COL21A1: variants seen among roughly 807,000 people sequenced by gnomAD.
The protein encoded by COL21A1 is collagen type XXI alpha 1 chain.
COL21A1 carries 149 observed loss-of-function variants against 137.9 expected under a neutral mutation model. The ratio of observed to expected loss-of-function variants is 1.08; its 90% CI spans 0.95 to 1.24. The LOEUF (loss-of-function observed/expected upper bound fraction) is 1.24, where lower values mean the gene tolerates loss of function less well. COL21A1 is among the 50% of genes most tolerant of loss of function. The probability of loss-of-function intolerance (pLI) is 0.00; values close to 1 mark genes in which losing one functional copy is unlikely to be tolerated. For synonymous variants in COL21A1, 456 were observed against 391.5 expected (o/e 1.16, Z -1.95); for missense variants, 1,167 against 1,158.4 (o/e 1.01, Z -0.11).
chr6:56,113,729 C>T (rs1187861376), intron 16 of COL21A1, among the ~76,000 whole-genome samples: 1 of 152,092 alleles, frequency 6.6e-6, no homozygotes, highest in Non-Finnish European at 1.5e-5. Context: ...ACCAACACTG[C>T]CACGGGGAAG....
chr6:56,307,788 C>A (rs902830510), intron 1 of COL21A1, among the ~76,000 whole-genome samples: 4 of 152,158 alleles, frequency 2.6e-5, no homozygotes, highest in Admixed American at 1.3e-4. Flanking sequence ...GTTGGAAATG[C>A]AGAAATCACC....
rs578124641 is a variant in COL21A1 at position 56,091,812 on chromosome 6, G to A, written c.1812+9660C>T. On this transcript the variant is annotated intron_variant, in intron 17 of 29. Transcript: ENST00000244728. Reference sequence around the variant, plus strand: ...AGAATTGACCAAAGAAGACTAACTCGTCAACATGATAACTTGGTCTAACAT... The same window carrying A: ...AGAATTGACCAAAGAAGACTAACTCATCAACATGATAACTTGGTCTAACAT... Among the ~76,000 whole-genome samples, 14 of 152,224 alleles carry A rather than the reference G, an allele frequency of 9.2e-5. No individual in the cohort carries two copies. The South Asian group carries it at 1.4e-3, about 16-fold the overall frequency.
intron 1 of COL21A1, among the ~76,000 whole-genome samples, chr6:56,376,482 A>G (rs1006782407): frequency 5.3e-5 from 8 of 151,896 alleles, no homozygotes; most frequent in Non-Finnish European, 1.2e-4. Context: ...GAATATTTAT[A>G]TGCAGAGGGG....
At chr6:56,074,079 T>C (rs1226144261) in intron 20 of COL21A1, among the ~76,000 whole-genome samples, 153 bp downstream of exon 20, 1 of 151,438 alleles carries the variant, frequency 6.6e-6, no homozygotes, top group Non-Finnish European at 1.5e-5. Context: ...AGGCTGAGCC[T>C]TTCCAGATTT....
At chr6:56,062,836 AG>A (rs1343055775) in intron 24 of COL21A1, among the ~76,000 whole-genome samples, 2 of 152,186 alleles carry the variant, frequency 1.3e-5, no homozygotes, top group Non-Finnish European at 2.9e-5. Context: ...CCAACATAAG[AG>A]AGACAAAACA....
Position 56,334,435 on chromosome 6 carries a change from C to T in COL21A1, c.-39+59536G>A, listed in dbSNP as rs547110130. ...AGCTTAGTATACAAGGAAAACACAA[C>T]AATTTTGAGTTATAATTGGCATTAT... On this transcript the variant is annotated intron_variant, in intron 1 of 28. Coordinates refer to the COL21A1 transcript ENST00000370819. 5.2e-3 allele frequency among the ~76,000 whole-genome samples: 795 copies of T among 152,230 alleles called. 5 individuals carry two copies. Among genetic ancestry groups the T allele is most frequent in the African/African-American group, 0.017 (713 of 41,546 alleles).
intron 10 of COL21A1, among the ~76,000 whole-genome samples, chr6:56,151,475 T>C (rs1354129306): frequency 6.6e-6 from 1 of 152,166 alleles, no homozygotes; most frequent in Non-Finnish European, 1.5e-5. Flanking sequence ...AGCAATAATA[T>C]ATTCAGACAC....
chr6:56,135,904 T>G (rs1010309127), intron 12 of COL21A1, among the ~76,000 whole-genome samples: 3 of 152,204 alleles, frequency 2.0e-5, no homozygotes, highest in Non-Finnish European at 4.4e-5. Context: ...CTTTGTGTTA[T>G]GTCCTTTATC....
chr6:56,220,497 A>T (rs928490929), intron 1 of COL21A1, among the ~76,000 whole-genome samples: 2 of 152,164 alleles, frequency 1.3e-5, no homozygotes, highest in Non-Finnish European at 2.9e-5. Context: ...ACTGCTAAAG[A>T]CTTGTGAAAA....
In COL21A1 at chr6:56,179,849, C is replaced by G. The variant is rs776192714; in HGVS notation, c.369G>C (p.Ala123=). ...NTKTGKAIQF[A]LDYLFAKSSR... The stretch of plus-strand genomic sequence containing the variant: ...AGGACTTGGCAAAAAGGTAATCGAG[C>G]GCAAACTGGATGGCCTTCCCTGTCT... The change falls in exon 3 of 30, where the codon GCG becomes GCC. Residue 123 remains alanine, a synonymous_variant. Transcript: ENST00000244728. 6 of 1,613,904 alleles carry G rather than the reference C, an allele frequency of 3.7e-6. No homozygotes were observed. The highest frequency in any genetic ancestry group is 2.7e-5 in the African/African-American group (2 of 75,018).
At chr6:56,361,731 G>C (rs1265558375) in intron 1 of COL21A1, among the ~76,000 whole-genome samples, 1 of 152,106 alleles carries the variant, frequency 6.6e-6, no homozygotes, top group East Asian at 1.9e-4. Context: ...TTATCTCTGT[G>C]GGGTTATGAG....
In COL21A1 at chr6:56,069,746, T is replaced by C. The variant is rs538121306; in HGVS notation, c.2020-629A>G. Among the ~76,000 whole-genome samples the C allele has an allele frequency of 2.0e-5, 3 of 150,790 alleles. No individual in the cohort carries two copies. The South Asian group carries it at 6.2e-4, about 31-fold the overall frequency. The stretch of plus-strand genomic sequence containing the variant: ...TTTTTCATAACATAAGTTTTAATTA[T>C]GGAAGAGTATCCATATTTATCAACT... On this transcript the variant is annotated intron_variant, in intron 21 of 29. Transcript: ENST00000244728.
At chr6:56,225,455 T>C (rs957637213) in intron 1 of COL21A1, among the ~76,000 whole-genome samples, 2 of 152,038 alleles carry the variant, frequency 1.3e-5, no homozygotes, top group Non-Finnish European at 2.9e-5. Context: ...TTCTCTACTC[T>C]AGCCCAGACA....
chr6:56,190,413 G>C (rs1236866123), intron 1 of COL21A1, among the ~76,000 whole-genome samples: 1 of 152,124 alleles, frequency 6.6e-6, no homozygotes, highest in East Asian at 1.9e-4. Context: ...TCCCCGAATA[G>C]AGCAATAACA....
chr6:56,301,260 T>G (rs1226957143), intron 1 of COL21A1, among the ~76,000 whole-genome samples: 1 of 152,066 alleles, frequency 6.6e-6, no homozygotes, highest in Non-Finnish European at 1.5e-5. Flanking sequence ...AAAAGATCAT[T>G]TTAAGGAGGC....
At chr6:56,113,866 T>A (rs1340257155) in intron 16 of COL21A1, among the ~76,000 whole-genome samples, 1 of 152,122 alleles carries the variant, frequency 6.6e-6, no homozygotes, top group African/African-American at 2.4e-5. Context: ...CCAGGCAGCA[T>A]TCACCATAAG....
intron 1 of COL21A1, among the ~76,000 whole-genome samples, chr6:56,348,583 A>G (rs1765643836): frequency 6.6e-6 from 1 of 152,168 alleles, no homozygotes; most frequent in Non-Finnish European, 1.5e-5. Context: ...GAAGAATTCT[A>G]GGACAACAAA....
intron 1 of COL21A1, among the ~76,000 whole-genome samples, chr6:56,206,679 A>AAAATAAATAAAT (rs201550958): frequency 1.9e-4 from 11 of 59,316 alleles, no homozygotes; most frequent in Admixed American, 3.5e-4. Context: ...CCAATTCAAC[A>AAAATAAATAAAT]AAATAAATAA....
chr6:56,324,984 A>C (rs1176211878), intron 1 of COL21A1, among the ~76,000 whole-genome samples: 1 of 151,404 alleles, frequency 6.6e-6, no homozygotes, highest in Non-Finnish European at 1.5e-5. Context: ...AATATGAACA[A>C]ACAGATCTTG....
Sources: gnomAD v4.1 joint callset for allele counts (sites outside exome capture counted in the v4.1 genomes callset) on GRCh38, gnomAD v4.1.1 for gene constraint, MANE v1.5 for transcripts, NCBI Gene and HGNC (gene_info 2026-07-23, HGNC 2026-07-21) for gene names.